The following IL1RAP variants were observed in gnomAD, a reference collection of about 807,000 sequenced individuals.
IL1RAP encodes interleukin 1 receptor accessory protein.
Under a neutral mutation model 60.7 loss-of-function variants are expected in IL1RAP, and 35 were observed. The observed-to-expected ratio is 0.58, with a 90% CI of 0.44 to 0.76. The LOEUF is 0.76. Among genes scored for constraint, IL1RAP ranks in the 30% least tolerant of loss-of-function variants. The pLI is 0.00. For synonymous variants in IL1RAP, 268 were observed against 250.9 expected (o/e 1.07, Z -0.64); for missense variants, 572 against 693.9 (o/e 0.82, Z 1.97).
chr3:190,600,980 A>T (rs1280266184), intron 3 of IL1RAP, among the ~76,000 whole-genome samples: 2 of 151,886 alleles, frequency 1.3e-5, no homozygotes, highest in East Asian at 3.9e-4. Context: ...CATTATTTTA[A>T]TTTTCTTTTC....
intron 5 of IL1RAP, among the ~76,000 whole-genome samples, chr3:190,616,555 C>A (rs189618190): frequency 8.3e-4 from 127 of 152,230 alleles, no homozygotes; most frequent in Non-Finnish European, 1.5e-3. Context: ...GTTTATCTAA[C>A]TCTTCTAAGA....
chr3:190,640,381 A>T (rs1733569656), intron 9 of IL1RAP, among the ~76,000 whole-genome samples: 1 of 152,226 alleles, frequency 6.6e-6, no homozygotes, highest in Non-Finnish European at 1.5e-5. Flanking sequence ...CAGAAGCTGA[A>T]GTCCAAAGTG....
chr3:190,523,361 A>G (rs1056297841), intron 1 of IL1RAP, among the ~76,000 whole-genome samples: 2 of 152,054 alleles, frequency 1.3e-5, no homozygotes, highest in African/African-American at 4.8e-5. Flanking sequence ...TATTTAGTCT[A>G]TTTTTAAAAT....
At position 190,651,495 on chromosome 3, in the gene IL1RAP, CATTT is replaced by C; in HGVS notation, c.*2795_*2798del. On this transcript the variant is annotated 3_prime_UTR_variant, in exon 12 of 12. Transcript: ENST00000447382. ...AAATTTACTTATGTTAAAAATAAAC[CATTT>C]ATTTTCAGCTTTGAATTTTATTTTG... 2.2e-6 allele frequency: 1 copy of C among 445,142 alleles called. No homozygotes were observed. Among genetic ancestry groups the C allele is most frequent in the Non-Finnish European group, 3.0e-6 (1 of 336,808 alleles). 27.6% of individuals were successfully genotyped at this position (445,142 alleles called of 1,614,324 possible).
intron 1 of IL1RAP, among the ~76,000 whole-genome samples, chr3:190,526,571 C>T (rs914829510): frequency 6.6e-6 from 1 of 152,180 alleles, no homozygotes; most frequent in African/African-American, 2.4e-5. Context: ...CTCACTACCT[C>T]TGTGATATGG....
intron 9 of IL1RAP, 23 bp downstream of exon 9, chr3:190,629,521 A>AC: frequency 6.3e-7 from 1 of 1,591,566 alleles, no homozygotes; most frequent in Non-Finnish European, 8.5e-7. Flanking sequence ...GTCAGTGATG[A>AC]ATCTCTCAGC....
rs774764278 is a variant in IL1RAP, at chr3:190,604,235, T to C, written c.172T>C (p.Tyr58His). Residue 58 changes from tyrosine (Y) to histidine (H), a missense_variant, in exon 4 of 12, where the codon TAC becomes CAC. Tyr to His is a moderately conservative substitution (Grantham distance 83). Coordinates refer to ENST00000447382, the MANE Select transcript of IL1RAP (RefSeq NM_002182.4). ...PLFEHFLKFN[Y>H]STAHSAGLTL... Reference sequence around the variant, plus strand: ...CTTTGAACACTTCTTGAAATTCAACTACAGCACAGCCCATTCAGCTGGCCT... The same window carrying C: ...CTTTGAACACTTCTTGAAATTCAACCACAGCACAGCCCATTCAGCTGGCCT... The C allele has an allele frequency of 1.2e-6, 2 of 1,614,090 alleles. No homozygotes were observed. The highest frequency in any genetic ancestry group is 1.7e-6 in the Non-Finnish European group (2 of 1,179,982).
intron 1 of IL1RAP, among the ~76,000 whole-genome samples, chr3:190,541,322 A>G (rs1408451383): frequency 6.6e-6 from 1 of 152,180 alleles, no homozygotes; most frequent in Non-Finnish European, 1.5e-5. Flanking sequence ...CAAAGAGTAC[A>G]AAAAGTACTC....
intron 3 of IL1RAP, among the ~76,000 whole-genome samples, chr3:190,596,619 T>C (rs1165429085): frequency 6.6e-6 from 1 of 152,222 alleles, no homozygotes. Context: ...CCCTTTTGGC[T>C]GAGAGGAATG....
At chr3:190,611,519 A>C (rs2108770533) in intron 5 of IL1RAP, among the ~76,000 whole-genome samples, 1 of 152,352 alleles carries the variant, frequency 6.6e-6, no homozygotes. Context: ...ACATTTAAAA[A>C]GTAGATAGCA....
chr3:190,574,500 A>G (rs1294935762), intron 3 of IL1RAP, among the ~76,000 whole-genome samples: 1 of 152,172 alleles, frequency 6.6e-6, no homozygotes, highest in Non-Finnish European at 1.5e-5. Context: ...ACTCAGAGAT[A>G]CTAACTCTAA....
At chr3:190,629,790 CAA>C in intron 9 of IL1RAP, 7 of 1,082,218 alleles carry the variant, frequency 6.5e-6, no homozygotes, top group African/African-American at 1.6e-5. Context: ...AAATTAAAAA[CAA>C]AGAAAATATT....
chr3:190,620,035 T>A (rs2108792303), intron 5 of IL1RAP, among the ~76,000 whole-genome samples: 1 of 152,308 alleles, frequency 6.6e-6, no homozygotes, highest in Non-Finnish European at 1.5e-5. Flanking sequence ...GAAGCCTGTG[T>A]TTTTGAAGTC....
At chr3:190,541,191 A>G (rs139301580) in intron 1 of IL1RAP, among the ~76,000 whole-genome samples, 3,154 of 152,188 alleles carry the variant, frequency 0.021, 66 homozygotes, top group Middle Eastern at 0.082. Flanking sequence ...TAGGGGTGCT[A>G]TCTCCTGTGA....
chr3:190,584,959 G>A (rs531840189), intron 3 of IL1RAP, among the ~76,000 whole-genome samples: 2 of 152,302 alleles, frequency 1.3e-5, no homozygotes, highest in African/African-American at 4.8e-5. Flanking sequence ...GAGCTTTTGA[G>A]TAGCTGGAAA....
intron 5 of IL1RAP, among the ~76,000 whole-genome samples, chr3:190,619,580 C>A (rs746918185): frequency 6.6e-6 from 1 of 151,922 alleles, no homozygotes; most frequent in Non-Finnish European, 1.5e-5. Context: ...CAAAAATTAG[C>A]CAGGCATGGT....
At chr3:190,592,237 C>A (rs1193574663) in intron 3 of IL1RAP, among the ~76,000 whole-genome samples, 1 of 152,192 alleles carries the variant, frequency 6.6e-6, no homozygotes, top group South Asian at 2.1e-4. Flanking sequence ...CCAGACTGGT[C>A]TCGAACTCGA....
intron 1 of IL1RAP, among the ~76,000 whole-genome samples, chr3:190,537,482 G>A (rs532358785): frequency 2.6e-5 from 4 of 152,238 alleles, no homozygotes; most frequent in African/African-American, 9.6e-5. Flanking sequence ...CGAATGATTT[G>A]TGATTCCACT....
chr3:190,549,476 C>A (rs1724671970), intron 1 of IL1RAP, among the ~76,000 whole-genome samples: 1 of 152,142 alleles, frequency 6.6e-6, no homozygotes, highest in African/African-American at 2.4e-5. Flanking sequence ...CAGAAGGGGC[C>A]ATCATCCAAA....
Sources: allele counts gnomAD v4.1 joint callset (sites outside exome capture counted in the v4.1 genomes callset), GRCh38; gene constraint gnomAD v4.1.1; transcripts MANE v1.5; gene names NCBI Gene and HGNC (gene_info 2026-07-23, HGNC 2026-07-21).